KCTD16: variants seen among roughly 807,000 people sequenced by gnomAD.
KCTD16 encodes potassium channel tetramerization domain containing 16.
Under a neutral mutation model 33.2 loss-of-function variants are expected in KCTD16, and 13 were observed. The observed-to-expected ratio is 0.39, with a 90% CI of 0.25 to 0.62. The LOEUF (loss-of-function observed/expected upper bound fraction) is 0.62. Ranked by LOEUF, KCTD16 falls within the 20% of genes least tolerant of loss-of-function variation. The probability of loss-of-function intolerance (pLI) is 0.50; values close to 1 mark genes in which losing one functional copy is unlikely to be tolerated. For synonymous variants in KCTD16, 197 were observed against 195.3 expected, an observed-to-expected ratio of 1.01 and a Z score of -0.07; for missense variants, 441 against 525.1, an observed-to-expected ratio of 0.84 and a Z score of 1.57.
intron 3 of KCTD16, among the ~76,000 whole-genome samples, chr5:144,403,121 G>T (rs1292695645): frequency 2.6e-5 from 4 of 152,110 alleles, no homozygotes; most frequent in Non-Finnish European, 5.9e-5. Flanking sequence ...ATTACATCGG[G>T]CACACCTGGA....
Position 144,477,133 on chromosome 5 carries a change from C to CA in KCTD16, c.*3024dup, listed in dbSNP as rs1240776069. 1.3e-5 allele frequency: 2 copies of CA among 151,964 alleles called. No homozygotes were observed. Among genetic ancestry groups the CA allele is most frequent in the East Asian group, 3.9e-4 (2 of 5,162 alleles). The allele number at this position is 151,964 out of a possible 1,614,324, so 9.4% of individuals were successfully genotyped here. On this transcript the variant is annotated 3_prime_UTR_variant, in exon 4 of 4. Transcript: ENST00000512467. Reference sequence around the variant, plus strand: ...TTTACAAAGTCCTTCTACCCACTATCAAAAATGAACTGATCTGCATTCAGC... The same window carrying CA: ...TTTACAAAGTCCTTCTACCCACTATCAAAAAATGAACTGATCTGCATTCAGC...
At chr5:144,378,880 T>C (rs541312337) in intron 3 of KCTD16, among the ~76,000 whole-genome samples, 1 of 152,298 alleles carries the variant, frequency 6.6e-6, no homozygotes, top group Admixed American at 6.5e-5. Context: ...TAAATGACTT[T>C]TTACAATGCA....
At chr5:144,221,516 T>C (rs1203282297) in intron 3 of KCTD16, among the ~76,000 whole-genome samples, 1 of 152,138 alleles carries the variant, frequency 6.6e-6, no homozygotes, top group African/African-American at 2.4e-5. Context: ...GAACATGCAG[T>C]GTTTGGTTTT....
intron 3 of KCTD16, among the ~76,000 whole-genome samples, chr5:144,261,393 G>A (rs982543239): frequency 2.6e-5 from 4 of 152,104 alleles, no homozygotes; most frequent in African/African-American, 9.7e-5. Context: ...TGTGGCAAAG[G>A]CACCCCTTAA....
chr5:144,240,563 A>G (rs1275514669), intron 3 of KCTD16, among the ~76,000 whole-genome samples: 1 of 152,186 alleles, frequency 6.6e-6, no homozygotes, highest in African/African-American at 2.4e-5. Context: ...CATTAGCTAA[A>G]GTATACAACT....
At chr5:144,313,336 C>T (rs1751815558) in intron 3 of KCTD16, among the ~76,000 whole-genome samples, 1 of 152,148 alleles carries the variant, frequency 6.6e-6, no homozygotes, top group Non-Finnish European at 1.5e-5. Flanking sequence ...GAACTTTTGC[C>T]AGCTTCAGTT....
chr5:144,228,303 G>A (rs1345080390), intron 3 of KCTD16, among the ~76,000 whole-genome samples: 1 of 152,148 alleles, frequency 6.6e-6, no homozygotes, highest in African/African-American at 2.4e-5. Context: ...TGGAAGCCAG[G>A]TGAAAATAAA....
At chr5:144,299,118 A>G (rs866998352) in intron 3 of KCTD16, among the ~76,000 whole-genome samples, 21 of 19,614 alleles carry the variant, frequency 1.1e-3, no homozygotes, top group African/African-American at 5.0e-3. Context: ...ATATATATAT[A>G]TATATATATA....
In KCTD16 at chr5:144,479,495, A is replaced by G. The variant is rs915191816; in HGVS notation, c.*5381A>G. On this transcript the variant is annotated 3_prime_UTR_variant, in exon 4 of 4. Coordinates refer to ENST00000512467, the MANE Select transcript of KCTD16 (RefSeq NM_020768.4). ...CATACCAAATTCCCACGTTATAAGA[A>G]AGATGAAAATAGAGATCATGCTTGT... The G allele has an allele frequency of 2.6e-5, 4 of 151,942 alleles. No homozygotes were observed. The highest frequency in any genetic ancestry group is 9.7e-5 in the African/African-American group (4 of 41,414). The allele number at this position is 151,942 out of a possible 1,614,324, so 9.4% of individuals were successfully genotyped here.
At chr5:144,269,680 A>G (rs1018369706) in intron 3 of KCTD16, among the ~76,000 whole-genome samples, 1 of 152,124 alleles carries the variant, frequency 6.6e-6, no homozygotes, top group African/African-American at 2.4e-5. Context: ...AAAGGTAAAT[A>G]CAGGGGCCGT....
At position 144,247,261 on chromosome 5, in the gene KCTD16, C is replaced by T. The variant is rs113842006; in HGVS notation, c.832+39715C>T. ...ACTTCCAAGACTGGGTAATGAAAGA[C>T]ATTGAAGCTTCTGCTTTGTTTACTG... On this transcript the variant is annotated intron_variant, in intron 3 of 3. Transcript: ENST00000512467. Among the ~76,000 whole-genome samples the T allele has an allele frequency of 3.3e-3, 500 of 152,262 alleles. 4 individuals are homozygous for T. Among genetic ancestry groups the T allele is most frequent in the African/African-American group, 0.011 (467 of 41,554 alleles).
rs151242810 is a variant in KCTD16 at position 144,474,129 on chromosome 5, C to G, written c.*15C>G. 6.2e-5 allele frequency: 79 copies of G among 1,274,658 alleles called. No homozygotes were observed. Among genetic ancestry groups the G allele is most frequent in the Non-Finnish European group, 7.9e-5 (72 of 910,004 alleles). The allele number at this position is 1,274,658 out of a possible 1,614,324, so 79.0% of individuals were successfully genotyped here. ...ATCATCTATAAGGGAGGGCTGGGGGCGGGAAAAGAAAAAAAAAAGTCATTT... is the reference window on the plus strand; with the variant it reads ...ATCATCTATAAGGGAGGGCTGGGGGGGGGAAAAGAAAAAAAAAAGTCATTT... On this transcript the variant is annotated 3_prime_UTR_variant, in exon 4 of 4. Coordinates refer to ENST00000512467, the MANE Select transcript of KCTD16 (RefSeq NM_020768.4).
At chr5:144,393,495 A>G (rs920915656) in intron 3 of KCTD16, among the ~76,000 whole-genome samples, 1 of 152,152 alleles carries the variant, frequency 6.6e-6, no homozygotes, top group Non-Finnish European at 1.5e-5. Context: ...GGCAACAAGT[A>G]TAATTTGGGG....
intron 3 of KCTD16, among the ~76,000 whole-genome samples, chr5:144,322,506 A>AAAAC (rs373515591): frequency 0.06 from 9,054 of 151,482 alleles, 902 homozygotes; most frequent in African/African-American, 0.2. Flanking sequence ...CATCACAGAA[A>AAAAC]AAACAAACAA....
chr5:144,228,728 T>C (rs573826144), intron 3 of KCTD16, among the ~76,000 whole-genome samples: 5 of 152,200 alleles, frequency 3.3e-5, no homozygotes, highest in Non-Finnish European at 7.3e-5. Context: ...TATCCTTGGA[T>C]AAGTAAGAAG....
intron 3 of KCTD16, among the ~76,000 whole-genome samples, chr5:144,268,467 G>C (rs936106948): frequency 1.3e-5 from 2 of 152,104 alleles, no homozygotes; most frequent in African/African-American, 4.8e-5. Context: ...TTTATATACA[G>C]GGAAAGTTAG....
intron 3 of KCTD16, among the ~76,000 whole-genome samples, chr5:144,279,063 T>C (rs148268089): frequency 6.3e-4 from 96 of 152,308 alleles, no homozygotes; most frequent in Non-Finnish European, 1.2e-3. Flanking sequence ...TTTCATTTCT[T>C]TGAGATTTTT....
At chr5:144,264,898 A>G (rs138267163) in intron 3 of KCTD16, among the ~76,000 whole-genome samples, 1 of 152,356 alleles carries the variant, frequency 6.6e-6, no homozygotes, top group Non-Finnish European at 1.5e-5. Flanking sequence ...CACATAATTT[A>G]AGGCACATGT....
chr5:144,427,278 C>CAGAAGATCCTGAA (rs1753354265), intron 3 of KCTD16, among the ~76,000 whole-genome samples: 1 of 152,008 alleles, frequency 6.6e-6, no homozygotes, highest in Non-Finnish European at 1.5e-5. Context: ...GTATCTTGAT[C>CAGAAGATCCTGAA]TTCTACTCAG....
Sources: allele counts gnomAD v4.1 joint callset (sites outside exome capture counted in the v4.1 genomes callset), GRCh38; gene constraint gnomAD v4.1.1; transcripts MANE v1.5; gene names NCBI Gene and HGNC (gene_info 2026-07-23, HGNC 2026-07-21).